The following PHACTR4 variants were observed in gnomAD, a reference collection of about 807,000 sequenced individuals.
PHACTR4 encodes phosphatase and actin regulator 4.
Under a neutral mutation model 72.7 loss-of-function variants are expected in PHACTR4, and 51 were observed. The observed-to-expected ratio is 0.70, with a 90% CI of 0.56 to 0.89. The LOEUF (loss-of-function observed/expected upper bound fraction) is 0.89. Among genes scored for constraint, PHACTR4 ranks in the 40% least tolerant of loss-of-function variants. PHACTR4 has a pLI of 0.00. For missense variants in PHACTR4, 731 were observed against 861.8 expected (o/e 0.85, Z 1.90); for synonymous variants, 255 against 302.5 (o/e 0.84, Z 1.63).
intron 2 of PHACTR4, among the ~76,000 whole-genome samples, chr1:28,413,466 C>T (rs1344308367): frequency 6.6e-6 from 1 of 152,130 alleles, no homozygotes; most frequent in Non-Finnish European, 1.5e-5. Context: ...TTCCTAAACC[C>T]TCATGTCTTC....
chr1:28,473,794 C>T lies in PHACTR4; in HGVS notation c.1064C>T (p.Pro355Leu), dbSNP rs1015191385. The T allele has an allele frequency of 3.1e-6, 5 of 1,614,084 alleles. No individual in the cohort carries two copies. In the Admixed American group the frequency reaches 8.3e-5, roughly 27 times the overall value. ...PPLPTHIPPE[P>L]PRTPPFPAKT... ...CTGCCTACTCATATACCTCCAGAGC[C>T]TCCACGCACCCCTCCATTCCCTGCT... Residue 355 changes from proline (P) to leucine (L), a missense_variant, in exon 7 of 14, where the codon CCT becomes CTT. Pro to Leu is a moderately conservative substitution (Grantham distance 98). Around this residue, in one of 2 missense-constraint regions of PHACTR4, gnomAD observed 621 missense variants for 676.6 expected, o/e 0.92. Transcript: ENST00000373839.
chr1:28,445,495 T>C (rs1657397121), intron 2 of PHACTR4, among the ~76,000 whole-genome samples: 1 of 151,742 alleles, frequency 6.6e-6, no homozygotes, highest in Non-Finnish European at 1.5e-5. Flanking sequence ...TCTTTTTTTT[T>C]CCTTTTTGCC....
At chr1:28,429,163 C>T (rs1656066472) in intron 2 of PHACTR4, among the ~76,000 whole-genome samples, 1 of 152,150 alleles carries the variant, frequency 6.6e-6, no homozygotes, top group East Asian at 1.9e-4. Flanking sequence ...ATTCCAGTGG[C>T]CCTGCCTTAA....
intron 2 of PHACTR4, among the ~76,000 whole-genome samples, chr1:28,418,944 C>G (rs899341915): frequency 6.6e-6 from 1 of 150,804 alleles, no homozygotes; most frequent in Non-Finnish European, 1.5e-5. Context: ...GAGAGAGACT[C>G]CATCTCAAAA....
intron 10 of PHACTR4, 30 bp from the exon 11 acceptor site, chr1:28,490,921 A>G (rs1223015121): frequency 6.3e-6 from 10 of 1,599,396 alleles, no homozygotes; most frequent in African/African-American, 1.3e-5. Context: ...TTTGTGAGTA[A>G]TATTCCTTCC....
At chr1:28,431,196 AAT>A (rs369455985) in intron 2 of PHACTR4, among the ~76,000 whole-genome samples, 17 of 128,212 alleles carry the variant, frequency 1.3e-4, no homozygotes, top group Admixed American at 4.0e-4. Context: ...AAAAAACCAA[AAT>A]ATATATATAT....
chr1:28,393,344 G>A (rs1231739156), intron 1 of PHACTR4, among the ~76,000 whole-genome samples: 3 of 152,170 alleles, frequency 2.0e-5, no homozygotes, highest in African/African-American at 7.2e-5. Context: ...TAATTTATTG[G>A]TAAATGCAAA....
chr1:28,474,182 C>T, intron 7 of PHACTR4, 31 bp downstream of exon 7: 1 of 1,554,364 alleles, frequency 6.4e-7, no homozygotes, highest in East Asian at 2.2e-5. Context: ...CCTCTTATTT[C>T]TCCTTTACTC....
chr1:28,438,216 G>A, intron 2 of PHACTR4: 1 of 1,369,064 alleles, frequency 7.3e-7, no homozygotes, highest in Non-Finnish European at 9.5e-7. Flanking sequence ...AGGCTGTATG[G>A]GAAACAGAAA....
At chr1:28,454,502 G>A (rs922299808) in intron 2 of PHACTR4, among the ~76,000 whole-genome samples, 1 of 151,704 alleles carries the variant, frequency 6.6e-6, no homozygotes, top group African/African-American at 2.4e-5. Flanking sequence ...CTGACCTCGT[G>A]ATCCGCCCAC....
intron 2 of PHACTR4, among the ~76,000 whole-genome samples, chr1:28,423,505 C>G (rs1004447597): frequency 6.6e-6 from 1 of 152,092 alleles, no homozygotes; most frequent in Admixed American, 6.6e-5. Context: ...TAATAATGCT[C>G]CATGTAGCAT....
At chr1:28,494,962 G>C (rs1390352710) in intron 13 of PHACTR4, among the ~76,000 whole-genome samples, 1 of 152,168 alleles carries the variant, frequency 6.6e-6, no homozygotes, top group Non-Finnish European at 1.5e-5. Flanking sequence ...AATAATCTTA[G>C]TGAGCATAGT....
At chr1:28,418,394 A>T (rs34721444) in intron 2 of PHACTR4, among the ~76,000 whole-genome samples, 58,477 of 150,602 alleles carry the variant, frequency 0.39, 12,962 homozygotes, top group African/African-American at 0.6. Context: ...GGCAGGAGAA[A>T]CATCTAAACC....
chr1:28,400,317 G>A (rs1437523294), intron 1 of PHACTR4, among the ~76,000 whole-genome samples: 1 of 150,756 alleles, frequency 6.6e-6, no homozygotes, highest in Non-Finnish European at 1.5e-5. Context: ...AGGTTGCAGT[G>A]AGCCAAGATC....
At chr1:28,392,242 A>G (rs190542400) in intron 1 of PHACTR4, among the ~76,000 whole-genome samples, 76 of 152,144 alleles carry the variant, frequency 5.0e-4, no homozygotes, top group African/African-American at 1.7e-3. Flanking sequence ...GTGTCTCCAC[A>G]CTGAGTCTGC....
chr1:28,376,986 A>G (rs1651730110), intron 1 of PHACTR4, among the ~76,000 whole-genome samples: 1 of 146,320 alleles, frequency 6.8e-6, no homozygotes, highest in African/African-American at 2.5e-5. Flanking sequence ...GGTTGGAGTG[A>G]CAGTGTGATC....
At chr1:28,408,507 C>T (rs1363821619) in intron 2 of PHACTR4, among the ~76,000 whole-genome samples, 4 of 152,124 alleles carry the variant, frequency 2.6e-5, no homozygotes, top group East Asian at 1.9e-4. Context: ...TGCAGTAAGC[C>T]GGGATCATGC....
chr1:28,480,114 ATG>A (rs1660186991), intron 8 of PHACTR4, among the ~76,000 whole-genome samples: 1 of 152,336 alleles, frequency 6.6e-6, no homozygotes, highest in African/African-American at 2.4e-5. Context: ...CAGATAGACT[ATG>A]AGGTGTTAGT....
intron 2 of PHACTR4, among the ~76,000 whole-genome samples, chr1:28,417,826 A>G (rs1285107756): frequency 6.6e-6 from 1 of 152,130 alleles, no homozygotes; most frequent in Non-Finnish European, 1.5e-5. Context: ...TTGATAACTA[A>G]AAGCTGACAG....
Sources: gnomAD v4.1 joint callset for allele counts (sites outside exome capture counted in the v4.1 genomes callset) on GRCh38, gnomAD v4.1.1 for gene constraint, gnomAD v4.1.1 regional missense constraint, MANE v1.5 for transcripts, NCBI Gene and HGNC (gene_info 2026-07-23, HGNC 2026-07-21) for gene names.